Variants in SORCS1 observed in about 807,000 individuals in gnomAD.
SORCS1 encodes sortilin related VPS10 domain containing receptor 1.
In SORCS1, 60 loss-of-function variants were observed where a neutral mutation model predicts 146.1. The ratio of observed to expected loss-of-function variants is 0.41; its 90% CI spans 0.33 to 0.51. SORCS1 has a LOEUF of 0.51. Ranked by LOEUF, SORCS1 falls within the 20% of genes least tolerant of loss-of-function variation. The pLI is 0.21. For synonymous variants in SORCS1, 637 were observed against 584.0 expected (o/e 1.09, Z -1.31); for missense variants, 1,352 against 1,487.6 (o/e 0.91, Z 1.50).
chr10:106,734,010 A>G (rs1029719152), intron 5 of SORCS1, among the ~76,000 whole-genome samples: 2 of 152,200 alleles, frequency 1.3e-5, no homozygotes, highest in African/African-American at 4.8e-5. Context: ...CAGTAAATAC[A>G]TATACAACAT....
chr10:106,746,589 CATTTT>C (rs1857762563), intron 5 of SORCS1, among the ~76,000 whole-genome samples: 1 of 152,160 alleles, frequency 6.6e-6, no homozygotes, highest in African/African-American at 2.4e-5. Flanking sequence ...TAAGCTACTT[CATTTT>C]TCAAAAAAGT....
At chr10:106,726,110 CCT>C (rs1856142637) in intron 6 of SORCS1, among the ~76,000 whole-genome samples, 1 of 149,124 alleles carries the variant, frequency 6.7e-6, no homozygotes, top group East Asian at 2.0e-4. Flanking sequence ...CCAACCTCCT[CCT>C]CTCTGTTTAT....
At chr10:106,903,630 A>T (rs761908493) in intron 2 of SORCS1, among the ~76,000 whole-genome samples, 1 of 152,344 alleles carries the variant, frequency 6.6e-6, no homozygotes, top group African/African-American at 2.4e-5. Flanking sequence ...GAAAAGAGTG[A>T]CGATTTTGAA....
intron 6 of SORCS1, among the ~76,000 whole-genome samples, chr10:106,728,823 T>C (rs1192593522): frequency 6.6e-6 from 1 of 152,144 alleles, no homozygotes; most frequent in Non-Finnish European, 1.5e-5. Context: ...AATGAGATGG[T>C]CACTCTCTGG....
intron 1 of SORCS1, among the ~76,000 whole-genome samples, chr10:107,000,064 G>A (rs969453242): frequency 7.2e-5 from 11 of 152,110 alleles, no homozygotes; most frequent in African/African-American, 2.7e-4. Flanking sequence ...ACCTATGATA[G>A]GGCAGAAAAC....
At chr10:107,075,047 G>T (rs1962761572) in intron 1 of SORCS1, among the ~76,000 whole-genome samples, 1 of 152,040 alleles carries the variant, frequency 6.6e-6, no homozygotes, top group Non-Finnish European at 1.5e-5. Flanking sequence ...CTATAAATCA[G>T]CCTCAATGAT....
At position 107,060,658 on chromosome 10, in the gene SORCS1, T is replaced by C. The variant is rs1268518216; in HGVS notation, c.558+103311A>G. The stretch of plus-strand genomic sequence containing the variant: ...CTTTTCCCTTACTTTGTGATATTTG[T>C]GACCATGAGTCCCCGGCTCACGGTT... On this transcript the variant is annotated intron_variant, in intron 1 of 25. Transcript: ENST00000263054. This position sits in a 1 kb window ranked among gnomAD's most constrained non-coding sequence, Gnocchi z 4.1. 3.3e-5 allele frequency among the ~76,000 whole-genome samples: 5 copies of C among 152,172 alleles called. No individual in the cohort carries two copies. The highest frequency in any genetic ancestry group is 1.2e-4 in the African/African-American group (5 of 41,450).
intron 1 of SORCS1, among the ~76,000 whole-genome samples, chr10:107,017,011 T>C (rs1039545735): frequency 6.6e-6 from 1 of 152,200 alleles, no homozygotes; most frequent in African/African-American, 2.4e-5. Context: ...CATGAAAATA[T>C]TGACTTGGTG....
At chr10:106,583,165 C>T (rs1481769639) in intron 24 of SORCS1, among the ~76,000 whole-genome samples, 2 of 152,140 alleles carry the variant, frequency 1.3e-5, no homozygotes, top group South Asian at 2.1e-4. Flanking sequence ...GTATTTGGGA[C>T]AGACTACATG....
chr10:106,695,457 T>C (rs1853625848), intron 9 of SORCS1, among the ~76,000 whole-genome samples: 1 of 152,146 alleles, frequency 6.6e-6, no homozygotes, highest in Admixed American at 6.6e-5. Flanking sequence ...TCAGGAAAAA[T>C]GTGACAGTCT....
chr10:107,148,299 T>A (rs149526841), intron 1 of SORCS1, among the ~76,000 whole-genome samples: 1 of 152,338 alleles, frequency 6.6e-6, no homozygotes, highest in Non-Finnish European at 1.5e-5. Flanking sequence ...GTAAATATTT[T>A]AGGTTTGTGA....
chr10:106,833,449 C>T (rs985545599), intron 2 of SORCS1, among the ~76,000 whole-genome samples: 5 of 152,130 alleles, frequency 3.3e-5, no homozygotes, highest in Admixed American at 6.5e-5. Flanking sequence ...AACAATCAGC[C>T]GGCGTACATT....
chr10:106,681,762 C>T (rs1449918900), intron 10 of SORCS1, among the ~76,000 whole-genome samples: 2 of 152,328 alleles, frequency 1.3e-5, no homozygotes, highest in East Asian at 3.9e-4. Context: ...TTGCTTGCCA[C>T]TGCTGGAAGA....
At chr10:106,760,442 CAAAAAAAAAAA>C (rs34324078) in intron 5 of SORCS1, among the ~76,000 whole-genome samples, 10 of 45,804 alleles carry the variant, frequency 2.2e-4, no homozygotes, top group Non-Finnish European at 3.4e-4. Flanking sequence ...GACTCCGTCT[CAAAAAAAAAAA>C]AAAAAAAAAA....
intron 1 of SORCS1, among the ~76,000 whole-genome samples, chr10:107,093,468 A>G (rs958895549): frequency 6.6e-6 from 1 of 152,160 alleles, no homozygotes; most frequent in Non-Finnish European, 1.5e-5. Flanking sequence ...AGGTCAAGAG[A>G]TAGAAACCAT....
intron 7 of SORCS1, among the ~76,000 whole-genome samples, chr10:106,707,689 T>C (rs1402169546): frequency 1.3e-5 from 2 of 151,874 alleles, no homozygotes; most frequent in Non-Finnish European, 2.9e-5. Context: ...GCCCAAAGAA[T>C]CCTGGTGGGT....
intron 2 of SORCS1, among the ~76,000 whole-genome samples, chr10:106,910,730 A>G (rs1952113008): frequency 6.6e-6 from 1 of 152,146 alleles, no homozygotes; most frequent in Admixed American, 6.5e-5. Context: ...TTGCCCATCC[A>G]TGGTCCTTCA....
chr10:106,964,399 G>C (rs772633173), intron 1 of SORCS1, among the ~76,000 whole-genome samples: 1 of 152,182 alleles, frequency 6.6e-6, no homozygotes, highest in Admixed American at 6.5e-5. Context: ...GAACTCCTGA[G>C]CTCAAGTGAT....
At chr10:106,625,405 C>T (rs949722013) in intron 19 of SORCS1, among the ~76,000 whole-genome samples, 1 of 152,164 alleles carries the variant, frequency 6.6e-6, no homozygotes, top group African/African-American at 2.4e-5. Flanking sequence ...GATCCTAAAA[C>T]AGAGTTTCTC....
Sources: allele counts gnomAD v4.1 joint callset (sites outside exome capture counted in the v4.1 genomes callset), GRCh38; gene constraint gnomAD v4.1.1; non-coding constraint Gnocchi (gnomAD v3.1); transcripts MANE v1.5; gene names NCBI Gene and HGNC (gene_info 2026-07-23, HGNC 2026-07-21).